The following DMD variants were observed in gnomAD, a reference collection of about 807,000 sequenced individuals.
DMD encodes the protein mutant dystrophin.
Under a neutral mutation model 330.1 loss-of-function variants are expected in DMD, and 63 were observed. The ratio of observed to expected loss-of-function variants is 0.19; its 90% CI spans 0.16 to 0.24. The LOEUF is 0.24. Among genes scored for constraint, DMD ranks in the 10% least tolerant of loss-of-function variants. The pLI is 1.00. For missense variants in DMD, 3,344 were observed against 2,684.1 expected (o/e 1.25, Z -5.43); for synonymous variants, 1,223 against 959.8 (o/e 1.27, Z -5.07).
chrX:31,160,161 A>T (rs953128989), intron 74 of DMD, among the ~76,000 whole-genome samples: 2 of 111,122 alleles, frequency 1.8e-5, no homozygotes, highest in Non-Finnish European at 3.8e-5. Context: ...CCCGATAGCA[A>T]GTTAATTGCA....
At chrX:32,294,162 C>T (rs764297835) in intron 42 of DMD, among the ~76,000 whole-genome samples, 7 of 112,181 alleles carry the variant, frequency 6.2e-5, no homozygotes, top group African/African-American at 2.3e-4. Flanking sequence ...ATCATTCTTG[C>T]TTGGCTGCCA....
At chrX:33,189,959 A>T (rs1364116879) in intron 1 of DMD, among the ~76,000 whole-genome samples, 1 of 111,844 alleles carries the variant, frequency 8.9e-6, no homozygotes, top group Non-Finnish European at 1.9e-5. Context: ...ATCTAAACTC[A>T]TTCAATATTT....
chrX:31,726,497 G>A, intron 52 of DMD, among the ~76,000 whole-genome samples: 1 of 112,101 alleles, frequency 8.9e-6, no homozygotes. Context: ...TAAAAAGGAA[G>A]ACCAAAATCA....
intron 44 of DMD, among the ~76,000 whole-genome samples, chrX:31,994,591 C>T (rs762810490): frequency 3.6e-5 from 4 of 111,429 alleles, no homozygotes; most frequent in Non-Finnish European, 7.5e-5. Context: ...CTGTGGGCTC[C>T]GCACCTGACA....
At chrX:32,663,712 T>A (rs1185945907) in intron 9 of DMD, among the ~76,000 whole-genome samples, 2 of 111,787 alleles carry the variant, frequency 1.8e-5, no homozygotes, top group East Asian at 5.6e-4. Context: ...GAAGGCATGC[T>A]AATCAAGAGA....
chrX:31,266,159 CAAAAAA>C (rs1174153877), intron 62 of DMD, among the ~76,000 whole-genome samples: 10 of 13,332 alleles, frequency 7.5e-4, no homozygotes, highest in African/African-American at 1.1e-3. Flanking sequence ...TCCCGAAGGG[CAAAAAA>C]AAAAAAAAAA....
chrX:31,284,557 TTTCTTCTTCTTC>T (rs201340042), intron 62 of DMD, among the ~76,000 whole-genome samples: 10,083 of 77,977 alleles, frequency 0.13, 521 homozygotes, highest in Non-Finnish European at 0.14. Context: ...TAACGAACTG[TTTCTTCTTCTTC>T]TTCTTCTTCT....
intron 1 of DMD, among the ~76,000 whole-genome samples, chrX:33,205,810 G>A (rs1603416075): frequency 1.8e-5 from 2 of 112,036 alleles, no homozygotes; most frequent in East Asian, 5.6e-4. Flanking sequence ...TCATGATAGT[G>A]AAGACAACAC....
At chrX:32,602,668 G>A (rs181500307) in intron 12 of DMD, among the ~76,000 whole-genome samples, 1 of 111,355 alleles carries the variant, frequency 9.0e-6, no homozygotes, top group East Asian at 2.8e-4. Flanking sequence ...TAAGCATTTT[G>A]ATTCTGAGTA....
chrX:33,314,189 A>T (rs892761531), intron 1 of DMD, among the ~76,000 whole-genome samples: 3 of 110,982 alleles, frequency 2.7e-5, no homozygotes, highest in African/African-American at 9.8e-5. Context: ...ATTAAACTCT[A>T]CTAGTTTCCT....
intron 61 of DMD, among the ~76,000 whole-genome samples, chrX:31,346,294 C>G (rs2058071515): frequency 1.9e-5 from 2 of 106,712 alleles, no homozygotes; most frequent in Non-Finnish European, 3.9e-5. Flanking sequence ...ATAATGGTAC[C>G]TACCTTAAGG....
chrX:33,163,610 A>ATC (rs1171936950), intron 1 of DMD, among the ~76,000 whole-genome samples: 28 of 54,995 alleles, frequency 5.1e-4, no homozygotes, highest in East Asian at 2.1e-3. Context: ...ATATATATCT[A>ATC]TATCTATCTC....
At position 31,850,884 on chromosome X, in the gene DMD, C is replaced by G. The variant is rs150427277; in HGVS notation, c.7099-14065G>C. 1.9e-3 allele frequency among the ~76,000 whole-genome samples: 208 copies of G among 112,371 alleles called. 7 individuals are homozygous for G. The East Asian group carries it at 0.046, about 25-fold the overall frequency. On this transcript the variant is annotated intron_variant, in intron 48 of 78. Coordinates refer to ENST00000357033, the MANE Select transcript of DMD (RefSeq NM_004006.3). Reference sequence around the variant, plus strand: ...CTGGGACAAAAAAACCAAAGTAAGCCTTTAATATAAATGTGCCCTGGTCGC... The same window carrying G: ...CTGGGACAAAAAAACCAAAGTAAGCGTTTAATATAAATGTGCCCTGGTCGC...
At chrX:32,293,228 T>A (rs1302718595) in intron 42 of DMD, among the ~76,000 whole-genome samples, 1 of 112,456 alleles carries the variant, frequency 8.9e-6, no homozygotes, top group East Asian at 2.8e-4. Flanking sequence ...CAATTTCACA[T>A]AGAGAATTGA....
intron 17 of DMD, among the ~76,000 whole-genome samples, chrX:32,534,000 G>A (rs144040063): frequency 1.1e-4 from 12 of 111,949 alleles, no homozygotes; most frequent in East Asian, 8.5e-4. Context: ...ATCATGACCT[G>A]TTTCAATCCA....
intron 1 of DMD, chrX:33,128,412 A>G (rs2095478103): frequency 5.1e-6 from 5 of 987,507 alleles, no homozygotes; most frequent in Non-Finnish European, 6.4e-6. Context: ...TCACAGATTC[A>G]GCTTCACAGA....
intron 48 of DMD, among the ~76,000 whole-genome samples, chrX:31,869,007 C>G (rs1275864817): frequency 1.2e-5 from 1 of 80,246 alleles, no homozygotes; most frequent in East Asian, 3.5e-4. Context: ...TTTCCTCTCA[C>G]CTTATGTACC....
At chrX:32,829,482 G>A (rs1016243294) in intron 4 of DMD, among the ~76,000 whole-genome samples, 2 of 110,887 alleles carry the variant, frequency 1.8e-5, no homozygotes, top group Non-Finnish European at 3.8e-5. Flanking sequence ...CATTTATCTC[G>A]TCTAGTTTTT....
chrX:31,238,502 C>T (rs1316114111), intron 63 of DMD, among the ~76,000 whole-genome samples: 1 of 112,043 alleles, frequency 8.9e-6, no homozygotes, highest in African/African-American at 3.2e-5. Flanking sequence ...AGAAGGAATA[C>T]TAACATTCGC....
Sources: allele counts gnomAD v4.1 joint callset (sites outside exome capture counted in the v4.1 genomes callset), GRCh38; gene constraint gnomAD v4.1.1; transcripts MANE v1.5; gene names NCBI Gene and HGNC (gene_info 2026-07-23, HGNC 2026-07-21).